Variants in SEMA6C observed in about 807,000 individuals in gnomAD.
SEMA6C encodes the protein semaphorin 6C.
In SEMA6C, 37 loss-of-function variants were observed where a neutral mutation model predicts 72.9. The observed-to-expected ratio is 0.51, with a 90% CI of 0.39 to 0.67. The LOEUF (loss-of-function observed/expected upper bound fraction) is 0.67, where lower values mean the gene tolerates loss of function less well. Among genes scored for constraint, SEMA6C ranks in the 30% least tolerant of loss-of-function variants. The pLI is 0.00. For missense variants in SEMA6C, 1,189 were observed against 1,263.6 expected (o/e 0.94, Z 0.89); for synonymous variants, 578 against 554.1 (o/e 1.04, Z -0.61).
chr1:151,141,654 G>A (rs1452888471), intron 3 of SEMA6C, among the ~76,000 whole-genome samples: 9 of 150,544 alleles, frequency 6.0e-5, no homozygotes, highest in East Asian at 2.0e-4. Context: ...CAGGTGATCC[G>A]CCTACCTTGG....
At position 151,132,732 on chromosome 1, in the gene SEMA6C, C is replaced by A. The variant is rs1453957942; in HGVS notation, c.2545G>T (p.Gly849Cys). ...APAPRLGVGG[G>C]RRLPFSGHRA... is the part of the protein sequence containing the mutation. ...TGGCCGGAGAAAGGCAACCTCCGGC[C>A]TCCGCCGACGCCCAGCCGGGGAGCG... The change falls in exon 19 of 19, where the codon GGC (glycine) becomes TGC (cysteine). Residue 849 changes from glycine to cysteine, a missense_variant. Physicochemically the swap from Gly to Cys is radical, Grantham distance 159. Coordinates refer to ENST00000368914, the MANE Select transcript of SEMA6C (RefSeq NM_030913.6). The A allele has an allele frequency of 6.8e-7, 1 of 1,463,794 alleles. No homozygotes were observed. The highest frequency in any genetic ancestry group is 9.0e-7 in the Non-Finnish European group (1 of 1,107,614). The allele number at this position is 1,463,794 out of a possible 1,614,324, so 90.7% of individuals were successfully genotyped here.
chr1:151,143,300 G>A (rs940992814), intron 2 of SEMA6C, among the ~76,000 whole-genome samples: 5 of 152,208 alleles, frequency 3.3e-5, no homozygotes, highest in Admixed American at 3.3e-4. Context: ...TGAGTAGGGA[G>A]GAGAGTTGGT....
chr1:151,140,235 T>TAAGTA, intron 3 of SEMA6C, 145 bp from the exon 4 acceptor site: 4 of 675,166 alleles, frequency 5.9e-6, no homozygotes, highest in Non-Finnish European at 1.1e-5. Context: ...TAACACTGAG[T>TAAGTA]ACTTAATCTC....
At chr1:151,142,965 G>A (rs1414891483) in intron 2 of SEMA6C, among the ~76,000 whole-genome samples, 1 of 152,144 alleles carries the variant, frequency 6.6e-6, no homozygotes, top group Non-Finnish European at 1.5e-5. Flanking sequence ...GACTGGGTCT[G>A]GGACATTCAG....
At chr1:151,135,522 C>G (rs893130002) in intron 14 of SEMA6C, 69 bp downstream of exon 14, 12 of 1,540,824 alleles carry the variant, frequency 7.8e-6, no homozygotes, top group Non-Finnish European at 7.9e-6. Flanking sequence ...CAACCTATTC[C>G]CGAATCTGCA....
intron 11 of SEMA6C, 26 bp from the exon 12 acceptor site, chr1:151,136,605 A>G (rs1356746075): frequency 6.2e-7 from 1 of 1,613,520 alleles, no homozygotes; most frequent in Non-Finnish European, 8.5e-7. Context: ...AAGATGCAGG[A>G]TAGGTGCTGA....
rs991289385 is a variant in SEMA6C at position 151,145,612 on chromosome 1, T to G, written c.-105+821A>C. On this transcript the variant is annotated intron_variant, in intron 1 of 18. Coordinates refer to ENST00000368914, the MANE Select transcript of SEMA6C (RefSeq NM_030913.6). The surrounding 1 kb of genome is among the most constrained non-coding windows in gnomAD (Gnocchi z 4.4). ...CCGAGGAGGGGCCGGTAGCAGAGTC[T>G]GGGCCGGGACCGGGTCCCAGAGCCA... 6.4e-6 allele frequency: 1 copy of G among 155,816 alleles called. No homozygotes were observed. The highest frequency in any genetic ancestry group is 2.4e-5 in the African/African-American group (1 of 41,562). 9.7% of individuals were successfully genotyped at this position (155,816 alleles called of 1,614,324 possible).
At chr1:151,144,546 G>A (rs1187589969) in intron 1 of SEMA6C, 112 bp from the exon 2 acceptor site, 1 of 152,640 alleles carries the variant, frequency 6.6e-6, no homozygotes, top group Non-Finnish European at 1.5e-5. Flanking sequence ...TTGGGTAGGG[G>A]AGATGCTGCC....
rs778037899 is a variant in SEMA6C, at chr1:151,133,542, G to A, written c.1760-25C>T. The A allele has an allele frequency of 1.3e-6, 2 of 1,486,156 alleles. No homozygotes were observed. Among genetic ancestry groups the A allele is most frequent in the African/African-American group, 2.8e-5 (2 of 70,996 alleles). 92.1% of individuals were successfully genotyped at this position (1,486,156 alleles called of 1,614,324 possible). A position where few individuals can be genotyped will look rare whatever the true frequency, so the allele number is the denominator to read the frequency against. ...CCTGCCGACCGAGAGGGAGGAGGGAGGCTCAGCCAAGGGGAGGCGGTGCGG... is the reference window on the plus strand; with the variant it reads ...CCTGCCGACCGAGAGGGAGGAGGGAAGCTCAGCCAAGGGGAGGCGGTGCGG... On this transcript the variant is annotated intron_variant, in intron 18 of 18. Coordinates refer to ENST00000368914, the MANE Select transcript of SEMA6C (RefSeq NM_030913.6). This position sits in a 1 kb window ranked among gnomAD's most constrained non-coding sequence, Gnocchi z 5.9.
At chr1:151,141,760 T>TG (rs1317123558) in intron 3 of SEMA6C, among the ~76,000 whole-genome samples, 3 of 106,624 alleles carry the variant, frequency 2.8e-5, no homozygotes, top group South Asian at 3.5e-4. Flanking sequence ...AGAGATGGGA[T>TG]GGGGGTTGGG....
rs1264458569 is a variant in SEMA6C, at chr1:151,132,381, G to A, written c.*103C>T. The A allele has an allele frequency of 5.2e-6, 8 of 1,528,232 alleles. No homozygotes were observed. Among genetic ancestry groups the A allele is most frequent in the African/African-American group, 2.8e-5 (2 of 72,148 alleles). 94.7% of individuals were successfully genotyped at this position (1,528,232 alleles called of 1,614,324 possible). On this transcript the variant is annotated 3_prime_UTR_variant, in exon 19 of 19. Coordinates refer to ENST00000368914, the MANE Select transcript of SEMA6C (RefSeq NM_030913.6). ...GGAGACTCTGCGAGTCGGGAAGGCT[G>A]GAGGTGCGGGGCGAGGGGGCGGTGA... is the stretch of plus-strand genomic sequence containing the variant.
intron 3 of SEMA6C, among the ~76,000 whole-genome samples, chr1:151,140,859 G>T (rs4387181): frequency 6.6e-6 from 1 of 152,086 alleles, no homozygotes; most frequent in Non-Finnish European, 1.5e-5. Flanking sequence ...TTAGCCAGGC[G>T]TGGTGGCGGG....
intron 9 of SEMA6C, 92 bp from the exon 10 acceptor site, chr1:151,137,891 T>C (rs1682189910): frequency 1.3e-6 from 2 of 1,582,872 alleles, no homozygotes; most frequent in South Asian, 1.2e-5. Flanking sequence ...ATTGCATACA[T>C]ACACACTACC....
intron 11 of SEMA6C, 128 bp downstream of exon 11, chr1:151,136,729 G>A (rs1040843823): frequency 1.5e-6 from 2 of 1,334,346 alleles, no homozygotes; most frequent in Admixed American, 3.9e-5. Context: ...GAGAAAAAAT[G>A]GCAACACAGC....
At position 151,133,850 on chromosome 1, in the gene SEMA6C, T is replaced by A; in HGVS notation, c.1760-333A>T. On this transcript the variant is annotated intron_variant, in intron 18 of 18. Coordinates refer to ENST00000368914, the MANE Select transcript of SEMA6C (RefSeq NM_030913.6). The surrounding 1 kb of genome is among the most constrained non-coding windows in gnomAD (Gnocchi z 5.9). ...ATGCCCAATTCTGGGGAAGGGAGGC[T>A]CCAAACAGGCGTTAGTGAGCACCAA... The A allele has an allele frequency of 9.6e-7, 1 of 1,046,646 alleles. No individual in the cohort carries two copies. The highest frequency in any genetic ancestry group is 1.4e-6 in the Non-Finnish European group (1 of 718,278). The allele number at this position is 1,046,646 out of a possible 1,614,324, so 64.8% of individuals were successfully genotyped here.
At chr1:151,140,697 C>T (rs112048428) in intron 3 of SEMA6C, among the ~76,000 whole-genome samples, 3,771 of 152,298 alleles carry the variant, frequency 0.025, 87 homozygotes, top group Middle Eastern at 0.054. Flanking sequence ...AATGATTTAA[C>T]ATTTATAATG....
At chr1:151,138,189 A>AGGCCTGGCCCTGGTCCCTACCTC in intron 8 of SEMA6C, 84 bp from the exon 9 acceptor site, 9 of 1,587,576 alleles carry the variant, frequency 5.7e-6, no homozygotes, top group Non-Finnish European at 4.3e-6. Flanking sequence ...ACCCCTACCT[A>AGGCCTGGCCCTGGTCCCTACCTC]GGCCTGGCCC....
At chr1:151,138,864 G>A in intron 6 of SEMA6C, 133 bp from the exon 7 acceptor site, 1 of 697,970 alleles carries the variant, frequency 1.4e-6, no homozygotes, top group Non-Finnish European at 2.5e-6. Context: ...AGGCCAAGGT[G>A]GGCAGGTTGC....
At chr1:151,138,156 C>G in intron 8 of SEMA6C, 51 bp from the exon 9 acceptor site, 1 of 1,603,718 alleles carries the variant, frequency 6.2e-7, no homozygotes. Flanking sequence ...GATCTGTATC[C>G]TGCCTCTTCT....
Sources: gnomAD v4.1 joint callset for allele counts (sites outside exome capture counted in the v4.1 genomes callset) on GRCh38, gnomAD v4.1.1 for gene constraint, Gnocchi (gnomAD v3.1) non-coding constraint, MANE v1.5 for transcripts, NCBI Gene and HGNC (gene_info 2026-07-23, HGNC 2026-07-21) for gene names.